CCBE1: variants seen among roughly 807,000 people sequenced by gnomAD.
CCBE1 encodes the protein collagen and calcium binding EGF domains 1.
In CCBE1, 37 loss-of-function variants were observed where a neutral mutation model predicts 50.0. That is an observed-to-expected ratio of 0.74 (90% CI 0.57 to 0.97). The LOEUF (loss-of-function observed/expected upper bound fraction) is 0.97, where lower values mean the gene tolerates loss of function less well. CCBE1 is among the 50% of genes least tolerant of loss of function. The pLI is 0.00. For missense variants in CCBE1, 538 were observed against 523.8 expected, an observed-to-expected ratio of 1.03 and a Z score of -0.26; for synonymous variants, 234 against 203.7, an observed-to-expected ratio of 1.15 and a Z score of -1.27.
chr18:59,539,198 C>CAAAAA (rs777587430), intron 2 of CCBE1, among the ~76,000 whole-genome samples: 1 of 148,242 alleles, frequency 6.7e-6, no homozygotes, highest in Non-Finnish European at 1.5e-5. Flanking sequence ...CACACACACA[C>CAAAAA]ACAAAAAACA....
chr18:59,682,399 C>T (rs926290889), intron 2 of CCBE1, among the ~76,000 whole-genome samples: 8 of 152,250 alleles, frequency 5.3e-5, no homozygotes, highest in African/African-American at 1.2e-4. Context: ...TCCAGAACCA[C>T]GTGCTATCTG....
At chr18:59,562,825 G>T (rs2052760401) in intron 2 of CCBE1, among the ~76,000 whole-genome samples, 1 of 152,102 alleles carries the variant, frequency 6.6e-6, no homozygotes, top group South Asian at 2.1e-4. Flanking sequence ...CACATGTTGT[G>T]GCCACATGTG....
At chr18:59,667,107 C>T (rs554875712) in intron 2 of CCBE1, among the ~76,000 whole-genome samples, 6 of 151,312 alleles carry the variant, frequency 4.0e-5, no homozygotes, top group East Asian at 3.9e-4. Flanking sequence ...AACCCTGTCC[C>T]GACAAAAAAA....
At chr18:59,674,085 G>GT (rs2054467834) in intron 2 of CCBE1, among the ~76,000 whole-genome samples, 1 of 152,068 alleles carries the variant, frequency 6.6e-6, no homozygotes, top group African/African-American at 2.4e-5. Context: ...GCTCTTTTTG[G>GT]TTGGTAGGCT....
At chr18:59,605,463 G>A (rs1216916138) in intron 2 of CCBE1, among the ~76,000 whole-genome samples, 1 of 152,238 alleles carries the variant, frequency 6.6e-6, no homozygotes, top group African/African-American at 2.4e-5. Flanking sequence ...CTTTATGGCA[G>A]AGGCATCATG....
At chr18:59,632,815 G>A (rs1437167123) in intron 2 of CCBE1, among the ~76,000 whole-genome samples, 1 of 151,656 alleles carries the variant, frequency 6.6e-6, no homozygotes, top group East Asian at 1.9e-4. Flanking sequence ...CACCATGTTG[G>A]CCAGGCTGGT....
intron 2 of CCBE1, among the ~76,000 whole-genome samples, chr18:59,691,193 C>G (rs1367533137): frequency 1.3e-5 from 2 of 152,330 alleles, no homozygotes; most frequent in Non-Finnish European, 2.9e-5. Flanking sequence ...TATTGAACAA[C>G]CTCTCTGTCC....
At chr18:59,598,477 C>A (rs948184878) in intron 2 of CCBE1, among the ~76,000 whole-genome samples, 2 of 152,206 alleles carry the variant, frequency 1.3e-5, no homozygotes, top group Non-Finnish European at 2.9e-5. Flanking sequence ...AAAGCACACC[C>A]AGAATGCCAG....
At chr18:59,696,513 C>T in intron 2 of CCBE1, 116 bp downstream of exon 2, 4 of 1,567,876 alleles carry the variant, frequency 2.6e-6, no homozygotes, top group Non-Finnish European at 3.4e-6. Flanking sequence ...CAGCAGGTTC[C>T]AGCGTAAAAG....
chr18:59,618,436 G>GT (rs1458037196), intron 2 of CCBE1, among the ~76,000 whole-genome samples: 8,949 of 141,460 alleles, frequency 0.063, 633 homozygotes, highest in African/African-American at 0.18. Context: ...CCTTAGAAAA[G>GT]TTTTTTTTTT....
chr18:59,543,774 G>T (rs915103861), intron 2 of CCBE1, among the ~76,000 whole-genome samples: 3 of 141,438 alleles, frequency 2.1e-5, no homozygotes, highest in Non-Finnish European at 4.5e-5. Context: ...GGTGGAGCTT[G>T]CAGTGAGCCA....
chr18:59,544,630 A>G (rs954222022), intron 2 of CCBE1, among the ~76,000 whole-genome samples: 1 of 152,188 alleles, frequency 6.6e-6, no homozygotes, highest in African/African-American at 2.4e-5. Flanking sequence ...GCACAAAATG[A>G]AAAGTTAGTA....
intron 2 of CCBE1, among the ~76,000 whole-genome samples, chr18:59,679,204 A>G (rs946447957): frequency 1.3e-5 from 2 of 152,244 alleles, no homozygotes; most frequent in Admixed American, 1.3e-4. Flanking sequence ...TGGACAGGAC[A>G]GTATTTCTAT....
At chr18:59,516,499 G>C (rs753840819) in intron 2 of CCBE1, among the ~76,000 whole-genome samples, 1 of 152,174 alleles carries the variant, frequency 6.6e-6, no homozygotes, top group African/African-American at 2.4e-5. Flanking sequence ...ACAGGACCTC[G>C]TGGATGGACG....
At chr18:59,483,661 T>C (rs1251204998) in intron 2 of CCBE1, among the ~76,000 whole-genome samples, 1 of 152,170 alleles carries the variant, frequency 6.6e-6, no homozygotes, top group Non-Finnish European at 1.5e-5. Flanking sequence ...TTGTTAAAAG[T>C]CAAATTTGGT....
intron 2 of CCBE1, among the ~76,000 whole-genome samples, chr18:59,532,443 A>AG (rs1408620755): frequency 6.6e-6 from 1 of 152,220 alleles, no homozygotes; most frequent in African/African-American, 2.4e-5. Flanking sequence ...CCACAGCACT[A>AG]GGCAATGTGG....
At chr18:59,564,666 A>T (rs1487799499) in intron 2 of CCBE1, among the ~76,000 whole-genome samples, 1 of 152,244 alleles carries the variant, frequency 6.6e-6, no homozygotes, top group African/African-American at 2.4e-5. Flanking sequence ...TGTCTTTCAT[A>T]GCATCTGGCA....
chr18:59,694,161 C>T (rs974042942), intron 2 of CCBE1, among the ~76,000 whole-genome samples: 1 of 152,048 alleles, frequency 6.6e-6, no homozygotes, highest in Non-Finnish European at 1.5e-5. Context: ...TGAGCCACCG[C>T]ACCCGGCCTA....
intron 2 of CCBE1, among the ~76,000 whole-genome samples, chr18:59,623,659 A>G (rs1224732545): frequency 6.6e-6 from 1 of 152,162 alleles, no homozygotes; most frequent in Non-Finnish European, 1.5e-5. Flanking sequence ...GACCCTTGCT[A>G]CAGATCAGTA....
Sources: allele counts gnomAD v4.1 joint callset (sites outside exome capture counted in the v4.1 genomes callset), GRCh38; gene constraint gnomAD v4.1.1; transcripts MANE v1.5; gene names NCBI Gene and HGNC (gene_info 2026-07-23, HGNC 2026-07-21).